Variants in PHACTR1 observed in about 807,000 individuals in gnomAD.
The protein encoded by PHACTR1 is phosphatase and actin regulator 1.
In PHACTR1, 16 loss-of-function variants were observed where a neutral mutation model predicts 69.2. That is an observed-to-expected ratio of 0.23 (90% CI 0.16 to 0.35). The LOEUF (loss-of-function observed/expected upper bound fraction) is 0.35. Ranked by LOEUF, PHACTR1 falls within the 10% of genes least tolerant of loss-of-function variation. The pLI, the probability that PHACTR1 is intolerant of heterozygous loss-of-function variation, is 1.00. For synonymous variants in PHACTR1, 312 were observed against 284.5 expected, an observed-to-expected ratio of 1.10 and a Z score of -0.97; for missense variants, 510 against 734.7, an observed-to-expected ratio of 0.69 and a Z score of 3.54.
At chr6:13,208,042 C>G (rs1435347744) in intron 8 of PHACTR1, among the ~76,000 whole-genome samples, 1 of 152,142 alleles carries the variant, frequency 6.6e-6, no homozygotes, top group Non-Finnish European at 1.5e-5. Flanking sequence ...AAAAACAAAA[C>G]TTAATTTGGC....
chr6:12,935,743 C>T (rs1449015684), intron 4 of PHACTR1, among the ~76,000 whole-genome samples: 1 of 152,022 alleles, frequency 6.6e-6, no homozygotes, highest in Non-Finnish European at 1.5e-5. Context: ...CATGAAGAAC[C>T]TAGGGCCCTT....
intron 4 of PHACTR1, among the ~76,000 whole-genome samples, chr6:12,970,336 G>C (rs1794041734): frequency 1.3e-5 from 2 of 152,188 alleles, no homozygotes; most frequent in Admixed American, 1.3e-4. Flanking sequence ...ACATAGAAAA[G>C]AATGTGTCCC....
chr6:13,276,211 G>A (rs1237306248), intron 11 of PHACTR1: 1 of 152,068 alleles, frequency 6.6e-6, no homozygotes, highest in Non-Finnish European at 1.5e-5. Flanking sequence ...AGGCACTGTA[G>A]GGTAGGCTGG....
intron 8 of PHACTR1, among the ~76,000 whole-genome samples, chr6:13,221,780 C>T (rs1584029817): frequency 6.6e-6 from 1 of 152,166 alleles, no homozygotes; most frequent in African/African-American, 2.4e-5. Flanking sequence ...GCTCACGCCT[C>T]TAATCCCAGC....
intron 4 of PHACTR1, among the ~76,000 whole-genome samples, chr6:12,812,540 G>T (rs1775136950): frequency 6.6e-6 from 1 of 152,138 alleles, no homozygotes; most frequent in Non-Finnish European, 1.5e-5. Flanking sequence ...ACCCAACAAG[G>T]CCTAGGATCC....
chr6:12,763,577 G>C (rs2127614625), intron 4 of PHACTR1, among the ~76,000 whole-genome samples: 1 of 152,260 alleles, frequency 6.6e-6, no homozygotes, highest in South Asian at 2.1e-4. Context: ...AAATATTGAG[G>C]TGGGAAAGAA....
At chr6:12,787,365 T>C (rs988095857) in intron 4 of PHACTR1, among the ~76,000 whole-genome samples, 4 of 152,202 alleles carry the variant, frequency 2.6e-5, no homozygotes, top group African/African-American at 4.8e-5. Context: ...ACCCTATCCA[T>C]AGAAAAATAC....
At chr6:13,142,195 T>G (rs182604839) in intron 5 of PHACTR1, among the ~76,000 whole-genome samples, 1 of 152,318 alleles carries the variant, frequency 6.6e-6, no homozygotes, top group Admixed American at 6.5e-5. Context: ...GTCTGCCTCC[T>G]GGGTTCAAGC....
At chr6:12,779,063 C>T (rs868839563) in intron 4 of PHACTR1, among the ~76,000 whole-genome samples, 6 of 152,184 alleles carry the variant, frequency 3.9e-5, no homozygotes, top group Admixed American at 6.5e-5. Context: ...CGGCCGGGCA[C>T]GGTGGCTCAT....
chr6:12,885,641 C>A (rs1783563965), intron 4 of PHACTR1, among the ~76,000 whole-genome samples: 3 of 152,238 alleles, frequency 2.0e-5, no homozygotes, highest in Non-Finnish European at 2.9e-5. Flanking sequence ...AAAGTATCCT[C>A]ACAATGACAC....
chr6:12,879,145 C>G (rs1323019450), intron 4 of PHACTR1, among the ~76,000 whole-genome samples: 1 of 151,992 alleles, frequency 6.6e-6, no homozygotes, highest in Non-Finnish European at 1.5e-5. Flanking sequence ...TTGCTGGAGG[C>G]GATGAAAATT....
intron 4 of PHACTR1, among the ~76,000 whole-genome samples, chr6:12,861,113 A>G (rs535520584): frequency 2.6e-5 from 4 of 152,356 alleles, no homozygotes; most frequent in African/African-American, 9.6e-5. Flanking sequence ...TTAGTAATGA[A>G]CTACCAAAAT....
intron 12 of PHACTR1, chr6:13,280,621 TA>T (rs1194297494): frequency 2.5e-5 from 7 of 275,798 alleles, no homozygotes; most frequent in Non-Finnish European, 5.0e-5. Context: ...GTAAGAAAAA[TA>T]AAAAATAAAG....
chr6:12,922,532 G>T (rs1787833529), intron 4 of PHACTR1, among the ~76,000 whole-genome samples: 1 of 152,150 alleles, frequency 6.6e-6, no homozygotes, highest in Admixed American at 6.5e-5. Flanking sequence ...GAATATGCAT[G>T]GAACAGCTAG....
chr6:12,962,499 A>G (rs1665680394), intron 4 of PHACTR1, among the ~76,000 whole-genome samples: 1 of 152,306 alleles, frequency 6.6e-6, no homozygotes, highest in African/African-American at 2.4e-5. Flanking sequence ...ACAGCCTTAG[A>G]AGAAAATGGT....
Position 13,287,070 on chromosome 6 carries a change from C to T in PHACTR1, c.1735C>T (p.Arg579Ter), listed in dbSNP as rs940362485. 3.7e-6 allele frequency: 6 copies of T among 1,607,166 alleles called. No individual in the cohort carries two copies. The highest frequency in any genetic ancestry group is 1.3e-5 in the African/African-American group (1 of 74,988). Residue 579 changes from arginine to a stop codon, truncating the protein, a stop_gained, in exon 15 of 15, where the codon CGA (arginine) becomes TGA (stop). Transcript: ENST00000332995. LOFTEE classifies it high-confidence loss of function. ...ELSRHLTRFH[R>*]P ...AATTGTTTGTTTCCTTAGGTTTCAC[C>T]GACCTTAACAGTCGAATTCCTCTTG...
At chr6:13,082,225 T>G (rs1353100733) in intron 5 of PHACTR1, among the ~76,000 whole-genome samples, 2 of 152,148 alleles carry the variant, frequency 1.3e-5, no homozygotes, top group African/African-American at 4.8e-5. Flanking sequence ...TCTGTATGTT[T>G]CCTTCTCCTC....
intron 4 of PHACTR1, among the ~76,000 whole-genome samples, chr6:12,972,593 T>G (rs1050958835): frequency 6.6e-6 from 1 of 152,082 alleles, no homozygotes; most frequent in Non-Finnish European, 1.5e-5. Context: ...ATTCCGTGAC[T>G]CATGGCCCTT....
At chr6:13,023,875 G>A (rs138952607) in intron 4 of PHACTR1, among the ~76,000 whole-genome samples, 3,565 of 152,272 alleles carry the variant, frequency 0.023, 156 homozygotes, top group African/African-American at 0.08. Flanking sequence ...CCAGGAGTTC[G>A]AGACCAGCCT....
Sources: gnomAD v4.1 joint callset for allele counts (sites outside exome capture counted in the v4.1 genomes callset) on GRCh38, gnomAD v4.1.1 for gene constraint, MANE v1.5 for transcripts, NCBI Gene and HGNC (gene_info 2026-07-23, HGNC 2026-07-21) for gene names.